Variants in STPG2 observed in about 807,000 individuals in gnomAD.
STPG2 encodes sperm-tail PG-rich repeat-containing protein 2.
STPG2 carries 56 observed loss-of-function variants against 54.2 expected under a neutral mutation model. The ratio of observed to expected loss-of-function variants is 1.03; its 90% CI spans 0.83 to 1.29. The LOEUF (loss-of-function observed/expected upper bound fraction) is 1.29. STPG2 is among the 50% of genes most tolerant of loss of function. STPG2 has a pLI of 0.00. For synonymous variants in STPG2, 200 were observed against 181.8 expected (o/e 1.10, Z -0.81); for missense variants, 596 against 544.9 (o/e 1.09, Z -0.93).
At chr4:97,738,335 T>A (rs1027129595) in intron 9 of STPG2, among the ~76,000 whole-genome samples, 1 of 152,144 alleles carries the variant, frequency 6.6e-6, no homozygotes, top group African/African-American at 2.4e-5. Context: ...AACATTAAAA[T>A]GACAGGATCA....
rs34198207 is a variant in STPG2, at chr4:98,013,580, C to CTTTTT, written c.613-32267_613-32263dup. 7.4e-4 allele frequency among the ~76,000 whole-genome samples: 55 copies of CTTTTT among 74,596 alleles called. 2 individuals are homozygous for CTTTTT. The highest frequency in any genetic ancestry group is 2.5e-3 in the African/African-American group (48 of 19,230). The allele number at this position is 74,596 out of a possible 152,430, so 48.9% of individuals were successfully genotyped here. ...GGCTGTGAATCCATCTGGTCCTGGGCTTTTTTTTTTTTTTTTTTTTTTTTT... is the reference window on the plus strand; with the variant it reads ...GGCTGTGAATCCATCTGGTCCTGGGCTTTTTTTTTTTTTTTTTTTTTTTTTTTTTT... On this transcript the variant is annotated intron_variant, in intron 5 of 10. Transcript: ENST00000295268.
At chr4:97,848,619 C>A (rs1411533814) in intron 8 of STPG2, among the ~76,000 whole-genome samples, 3 of 151,978 alleles carry the variant, frequency 2.0e-5, no homozygotes, top group Admixed American at 6.6e-5. Context: ...GTTTTTATTT[C>A]AAAAATAAAG....
At chr4:97,975,718 T>C (rs1272587168) in intron 6 of STPG2, among the ~76,000 whole-genome samples, 1 of 152,210 alleles carries the variant, frequency 6.6e-6, no homozygotes, top group Non-Finnish European at 1.5e-5. Context: ...TGCCACTAAA[T>C]AGATATGAAA....
Position 97,859,391 on chromosome 4 carries a change from G to C in STPG2, c.1045-18459C>G, listed in dbSNP as rs1347368271. Reference sequence around the variant, plus strand: ...CTCTGCTGATTATTTCTTTTGCTGTGTATAAATTTTTAGTTTAATTGGGTT... The same window carrying C: ...CTCTGCTGATTATTTCTTTTGCTGTCTATAAATTTTTAGTTTAATTGGGTT... On this transcript the variant is annotated intron_variant, in intron 8 of 10. Coordinates refer to ENST00000295268, the MANE Select transcript of STPG2 (RefSeq NM_174952.3). Among the ~76,000 whole-genome samples the C allele has an allele frequency of 2.6e-5, 4 of 150,990 alleles. No individual in the cohort carries two copies. In the East Asian group the frequency reaches 5.8e-4, roughly 22 times the overall value.
intron 8 of STPG2, among the ~76,000 whole-genome samples, chr4:97,845,887 A>G (rs940744700): frequency 1.3e-5 from 2 of 152,212 alleles, no homozygotes; most frequent in African/African-American, 4.8e-5. Flanking sequence ...CTGGGCAAGG[A>G]CTAAAGACTG....
chr4:98,006,577 G>A (rs1336940310), intron 5 of STPG2, among the ~76,000 whole-genome samples: 2 of 152,192 alleles, frequency 1.3e-5, no homozygotes, highest in African/African-American at 2.4e-5. Context: ...GGAGTGTTGG[G>A]TCTGGAGCAG....
chr4:97,743,777 A>C (rs1163832413), intron 9 of STPG2, among the ~76,000 whole-genome samples: 1 of 151,618 alleles, frequency 6.6e-6, no homozygotes, highest in Non-Finnish European at 1.5e-5. Flanking sequence ...TGGGGTTCTA[A>C]ATAGTGAGAA....
chr4:97,800,344 G>A (rs181663542), intron 9 of STPG2, among the ~76,000 whole-genome samples: 11 of 152,262 alleles, frequency 7.2e-5, no homozygotes, highest in African/African-American at 1.9e-4. Context: ...TGATGGTGAC[G>A]TACAAATGGG....
intron 3 of STPG2, among the ~76,000 whole-genome samples, chr4:98,127,372 CA>C (rs1739860336): frequency 5.3e-5 from 8 of 152,046 alleles, no homozygotes; most frequent in Admixed American, 3.3e-4. Context: ...TCTAAAACCC[CA>C]AAAACTTCCC....
intron 8 of STPG2, among the ~76,000 whole-genome samples, chr4:97,877,501 G>C (rs558977929): frequency 6.6e-6 from 1 of 152,250 alleles, no homozygotes; most frequent in East Asian, 1.9e-4. Flanking sequence ...TTATCATTAT[G>C]GTGAAAGGCA....
intron 10 of STPG2, among the ~76,000 whole-genome samples, chr4:97,703,571 TTAGTATATA>T (rs1723846761): frequency 7.9e-6 from 1 of 126,164 alleles, no homozygotes; most frequent in African/African-American, 3.1e-5. Flanking sequence ...ACTATTATAT[TTAGTATATA>T]TAGTATATAT....
At chr4:97,551,625 T>C (rs578058223) in intron 4 of STPG2, among the ~76,000 whole-genome samples, 17 of 152,376 alleles carry the variant, frequency 1.1e-4, no homozygotes, top group Non-Finnish European at 1.8e-4. Flanking sequence ...TTCATCTCTA[T>C]TGAATATCAA....
At chr4:97,806,897 G>C (rs1479244912) in intron 9 of STPG2, among the ~76,000 whole-genome samples, 2 of 152,058 alleles carry the variant, frequency 1.3e-5, no homozygotes, top group Non-Finnish European at 2.9e-5. Context: ...TATGAACCAA[G>C]ACAACTTCTG....
intron 4 of STPG2, among the ~76,000 whole-genome samples, chr4:97,502,984 T>G (rs1379961150): frequency 6.6e-6 from 1 of 152,038 alleles, no homozygotes; most frequent in Non-Finnish European, 1.5e-5. Context: ...TTTGTGATAT[T>G]TAATTTTATT....
At chr4:97,857,185 A>C (rs964667620) in intron 8 of STPG2, among the ~76,000 whole-genome samples, 3 of 152,126 alleles carry the variant, frequency 2.0e-5, no homozygotes, top group South Asian at 2.1e-4. Context: ...AATGAGTTAG[A>C]CAGGAGTCTC....
chr4:97,731,126 C>T (rs1724781542), intron 9 of STPG2, among the ~76,000 whole-genome samples: 1 of 152,160 alleles, frequency 6.6e-6, no homozygotes, highest in South Asian at 2.1e-4. Context: ...TCTGAGAGGG[C>T]TAGTGTTCCT....
intron 9 of STPG2, among the ~76,000 whole-genome samples, chr4:97,804,073 A>G (rs1185525525): frequency 4.6e-5 from 7 of 152,186 alleles, no homozygotes; most frequent in African/African-American, 1.4e-4. Context: ...GCTGCTAAAC[A>G]TGAAAATCCA....
intron 8 of STPG2, among the ~76,000 whole-genome samples, chr4:97,879,549 C>T (rs1730297904): frequency 6.6e-6 from 1 of 152,102 alleles, no homozygotes; most frequent in Non-Finnish European, 1.5e-5. Flanking sequence ...GAGACTTATT[C>T]TTATACCATG....
intron 5 of STPG2, among the ~76,000 whole-genome samples, chr4:98,063,885 T>C (rs1044280482): frequency 5.9e-5 from 9 of 151,678 alleles, no homozygotes; most frequent in Non-Finnish European, 1.5e-5. Flanking sequence ...ACAAAAAAAA[T>C]ATATTTTTAA....
Sources: allele counts gnomAD v4.1 joint callset (sites outside exome capture counted in the v4.1 genomes callset), GRCh38; gene constraint gnomAD v4.1.1; transcripts MANE v1.5; gene names NCBI Gene and HGNC (gene_info 2026-07-23, HGNC 2026-07-21).